The following GC variants were observed in gnomAD, a reference collection of about 807,000 sequenced individuals.
The protein encoded by GC is vitamin D-binding protein.
In GC, 43 loss-of-function variants were observed where a neutral mutation model predicts 56.7. That is an observed-to-expected ratio of 0.76 (90% CI 0.59 to 0.98). GC has a LOEUF of 0.98. Among genes scored for constraint, GC ranks in the 50% least tolerant of loss-of-function variants. The pLI is 0.00. For synonymous variants in GC, 216 were observed against 202.7 expected, an observed-to-expected ratio of 1.07 and a Z score of -0.56; for missense variants, 529 against 545.9, an observed-to-expected ratio of 0.97 and a Z score of 0.31.
chr4:71,768,603 C>G (rs992653068), intron 2 of GC, among the ~76,000 whole-genome samples, 170 bp from the exon 3 acceptor site: 1 of 152,042 alleles, frequency 6.6e-6, no homozygotes, highest in Non-Finnish European at 1.5e-5. Flanking sequence ...GTAGCTGGGA[C>G]TACAGGTGTG....
rs940325243 is a variant in GC, at chr4:71,797,015, A to G, written c.21+6911T>C. Among the ~76,000 whole-genome samples, 6 of 152,204 alleles carry G rather than the reference A, an allele frequency of 3.9e-5. No homozygotes were observed. In the East Asian group the frequency reaches 1.2e-3, roughly 29 times the overall value. On this transcript the variant is annotated intron_variant, in intron 1 of 13. Coordinates refer to the GC transcript ENST00000504199. ...CAGTGGAGGCTGCAGAACAGCAAAT[A>G]TTGCAGAACAGCAAATATTGCTGCC...
At chr4:71,801,657 G>T (rs1464661794) in intron 1 of GC, among the ~76,000 whole-genome samples, 1 of 151,918 alleles carries the variant, frequency 6.6e-6, no homozygotes, top group South Asian at 2.1e-4. Context: ...ATACCTAAAA[G>T]AGAAAATACT....
chr4:71,746,522 A>G (rs1300424773), intron 11 of GC, among the ~76,000 whole-genome samples: 1 of 151,988 alleles, frequency 6.6e-6, no homozygotes, highest in Non-Finnish European at 1.5e-5. Flanking sequence ...CCAGGGAAGA[A>G]TTCTCAGCGG....
chr4:71,743,070 A>T (rs1387737966), intron 12 of GC, among the ~76,000 whole-genome samples: 3 of 152,206 alleles, frequency 2.0e-5, no homozygotes, highest in African/African-American at 7.2e-5. Flanking sequence ...GGCTTGAAGA[A>T]AAAGATTGAT....
intron 1 of GC, among the ~76,000 whole-genome samples, chr4:71,772,589 C>A (rs1456591308): frequency 6.6e-6 from 1 of 152,102 alleles, no homozygotes; most frequent in African/African-American, 2.4e-5. Context: ...GCACACAGCA[C>A]TTTAGAATTC....
At chr4:71,758,199 C>T in intron 6 of GC, 28 bp from the exon 7 acceptor site, 2 of 1,594,352 alleles carry the variant, frequency 1.3e-6, no homozygotes, top group Non-Finnish European at 1.7e-6. Context: ...AATATGTTAG[C>T]TTATCAACAT....
intron 1 of GC, among the ~76,000 whole-genome samples, chr4:71,774,326 C>T (rs1742437918): frequency 6.6e-6 from 1 of 152,030 alleles, no homozygotes. Flanking sequence ...TAGGAGACAG[C>T]ATCACAGACT....
chr4:71,784,158 G>A, upstream of GC: 2 of 1,337,306 alleles, frequency 1.5e-6, no homozygotes, highest in Non-Finnish European at 1.9e-6. Context: ...AAGCAACACA[G>A]AATTATTATT....
At chr4:71,756,643 T>C in intron 8 of GC, 69 bp downstream of exon 8, 1 of 1,011,244 alleles carries the variant, frequency 9.9e-7, no homozygotes, top group East Asian at 2.4e-5. Context: ...TCCCTCCATC[T>C]GGCTGGCCCC....
intron 8 of GC, among the ~76,000 whole-genome samples, chr4:71,755,692 C>T (rs2149296422): frequency 6.6e-6 from 1 of 152,280 alleles, no homozygotes; most frequent in East Asian, 1.9e-4. Context: ...AACATATCTA[C>T]TTCAAATGCA....
chr4:71,765,874 G>A (rs186289375), intron 3 of GC, among the ~76,000 whole-genome samples: 4 of 152,246 alleles, frequency 2.6e-5, no homozygotes, highest in Admixed American at 2.0e-4. Context: ...AACAAAAATA[G>A]AACTTTGAAT....
exon 1 of GC, chr4:71,803,967 C>G: frequency 1.4e-6 from 2 of 1,462,496 alleles, no homozygotes. Flanking sequence ...TTGGACTAGT[C>G]CAGATCATCA....
chr4:71,787,812 G>A (rs1560711969), upstream of GC, among the ~76,000 whole-genome samples: 1 of 151,824 alleles, frequency 6.6e-6, no homozygotes, highest in African/African-American at 2.4e-5. Context: ...TTATGCCCAA[G>A]TTTCTAGCTT....
At chr4:71,790,912 C>T (rs371421326) in intron 1 of GC, among the ~76,000 whole-genome samples, 1 of 151,930 alleles carries the variant, frequency 6.6e-6, no homozygotes. Flanking sequence ...GCTATCCCTC[C>T]CCTCTCCCCA....
chr4:71,764,905 G>GC (rs1470232975), intron 4 of GC, among the ~76,000 whole-genome samples: 4 of 152,052 alleles, frequency 2.6e-5, no homozygotes, highest in African/African-American at 9.7e-5. Flanking sequence ...GTATAATCTG[G>GC]CCCCTTGTGC....
At chr4:71,770,769 G>A (rs1457113858) in intron 1 of GC, among the ~76,000 whole-genome samples, 1 of 152,166 alleles carries the variant, frequency 6.6e-6, no homozygotes, top group Non-Finnish European at 1.5e-5. Context: ...GAATGGGGTA[G>A]TAGCTTCAAC....
intron 4 of GC, 81 bp downstream of exon 4, chr4:71,765,351 T>C (rs572812665): frequency 3.9e-4 from 432 of 1,109,268 alleles, no homozygotes; most frequent in Non-Finnish European, 5.4e-4. Context: ...AGAAGAGGTG[T>C]TTCCACAGAG....
upstream of GC, among the ~76,000 whole-genome samples, chr4:71,787,485 C>T (rs1742867309): frequency 6.6e-6 from 1 of 151,794 alleles, no homozygotes; most frequent in African/African-American, 2.4e-5. Context: ...CACTTTGTAC[C>T]AAGTAACATG....
At chr4:71,776,363 G>A (rs1361024386) in intron 1 of GC, among the ~76,000 whole-genome samples, 2 of 151,836 alleles carry the variant, frequency 1.3e-5, no homozygotes, top group Admixed American at 1.3e-4. Context: ...GTGACAACAT[G>A]GATGACCCTG....
Sources: gnomAD v4.1 joint callset for allele counts (sites outside exome capture counted in the v4.1 genomes callset) on GRCh38, gnomAD v4.1.1 for gene constraint, MANE v1.5 for transcripts, NCBI Gene and HGNC (gene_info 2026-07-23, HGNC 2026-07-21) for gene names.